The following ZNF408 variants were observed in gnomAD, a reference collection of about 807,000 sequenced individuals.
ZNF408 encodes PR domain zinc finger protein 17.
In ZNF408, 24 loss-of-function variants were observed where a neutral mutation model predicts 27.6. The observed-to-expected ratio is 0.87, with a 90% CI of 0.63 to 1.22. The LOEUF is 1.22. Ranked by LOEUF, ZNF408 falls within the 50% of genes most tolerant of loss-of-function variation. The pLI is 0.00. For synonymous variants in ZNF408, 410 were observed against 396.1 expected (o/e 1.04, Z -0.42); for missense variants, 897 against 949.0 (o/e 0.95, Z 0.72).
rs754460485 is a variant in ZNF408 at position 46,701,393 on chromosome 11, C to T, written c.53-6C>T. The T allele has an allele frequency of 1.9e-6, 3 of 1,612,572 alleles. No individual in the cohort carries two copies. Among genetic ancestry groups the T allele is most frequent in the Admixed American group, 3.3e-5 (2 of 59,968 alleles). On this transcript the variant is annotated splice_polypyrimidine_tract_variant and splice_region_variant and intron_variant, in intron 1 of 4. Coordinates refer to ENST00000311764, the MANE Select transcript of ZNF408 (RefSeq NM_024741.3). ...GCTCCCTCACTGTCTTCCCTTCTCT[C>T]TGCAGCCCGCGAGCCGCGCCTGGGC...
rs771286227 is a variant in ZNF408 at position 46,701,613 on chromosome 11, G to A, written c.267G>A (p.Gly89=). ...CCCTGCAGCCCGGCCTGCTGTGGGG[G>A]CCGCTGGAAGAGGAGTCTGCCTCCA... is the stretch of plus-strand genomic sequence containing the variant. The part of the protein sequence containing the change: ...GDPLQPGLLW[G]PLEEESASKE... Residue 89 remains glycine, a synonymous_variant, in exon 2 of 5, where the codon GGG becomes GGA. Transcript: ENST00000311764. 1.2e-6 allele frequency: 2 copies of A among 1,608,984 alleles called. No individual in the cohort carries two copies. Among genetic ancestry groups the A allele is most frequent in the Admixed American group, 1.7e-5 (1 of 59,836 alleles).
intron 4 of ZNF408, among the ~76,000 whole-genome samples, chr11:46,703,760 TGTTGTTG>T (rs750783659): frequency 2.5e-3 from 265 of 106,500 alleles, no homozygotes; most frequent in Middle Eastern, 0.013. Flanking sequence ...TTGTTGTTGT[TGTTGTTG>T]TTGTTTTTTT....
Position 46,701,547 on chromosome 11 carries a change from C to A in ZNF408, c.201C>A (p.Leu67=), listed in dbSNP as rs2064705865. The part of the protein sequence containing the change: ...LPRGLALGPS[L]AKEQRLGVWC... ...GGGGCTTGGCCCTTGGCCCCTCACT[C>A]GCCAAGGAACAGCGCTTGGGGGTCT... is the stretch of plus-strand genomic sequence containing the variant. The change falls in exon 2 of 5, where the codon CTC becomes CTA. Residue 67 remains leucine (L), a synonymous_variant. Coordinates refer to ENST00000311764, the MANE Select transcript of ZNF408 (RefSeq NM_024741.3). The A allele has an allele frequency of 6.2e-7, 1 of 1,613,544 alleles. No homozygotes were observed. The highest frequency in any genetic ancestry group is 8.5e-7 in the Non-Finnish European group (1 of 1,180,022).
At position 46,705,262 on chromosome 11, in the gene ZNF408, A is replaced by C. The variant is rs1471127466; in HGVS notation, c.1562A>C (p.Glu521Ala). ...LRGHLRLHTGERPYRCPHCAD... is the reference protein window; with the variant it reads ...LRGHLRLHTGARPYRCPHCAD... Reference sequence around the variant, plus strand: ...GGGCATTTGCGGCTCCACACCGGGGAGCGTCCTTACCGCTGCCCACACTGT... The same window carrying C: ...GGGCATTTGCGGCTCCACACCGGGGCGCGTCCTTACCGCTGCCCACACTGT... The change falls in exon 5 of 5, where the codon GAG becomes GCG. Residue 521 changes from glutamate to alanine, a missense_variant. Glu to Ala is a moderately radical substitution (Grantham distance 107). Coordinates refer to ENST00000311764, the MANE Select transcript of ZNF408 (RefSeq NM_024741.3). This position sits in a 1 kb window ranked among gnomAD's most constrained non-coding sequence, Gnocchi z 6.5. The C allele has an allele frequency of 6.8e-6, 11 of 1,611,718 alleles. 1 individual carries two copies.
Position 46,704,896 on chromosome 11 carries a change from A to G in ZNF408, c.1196A>G (p.His399Arg), listed in dbSNP as rs779339982. Reference sequence around the variant, plus strand: ...AGCTCAGAGGAGAGCTTCAAAGCCCATATGCTGGGCCACCGTGGGGTGCGG... The same window carrying G: ...AGCTCAGAGGAGAGCTTCAAAGCCCGTATGCTGGGCCACCGTGGGGTGCGG... ...SYSSEESFKA[H>R]MLGHRGVRPF... Residue 399 changes from histidine (H) to arginine (R), a missense_variant, in exon 5 of 5, where the codon CAT (histidine) becomes CGT (arginine). Physicochemically the swap from His to Arg is conservative, Grantham distance 29 (BLOSUM62 0). Transcript: ENST00000311764. 1 of 1,612,116 alleles carries G rather than the reference A, an allele frequency of 6.2e-7. No homozygotes were observed. Among genetic ancestry groups the G allele is most frequent in the Non-Finnish European group, 8.5e-7 (1 of 1,179,288 alleles).
Position 46,702,730 on chromosome 11 carries a change from C to T in ZNF408, c.357C>T (p.Asp119=), listed in dbSNP as rs780548380. 10 of 1,614,024 alleles carry T rather than the reference C, an allele frequency of 6.2e-6. No individual in the cohort carries two copies. The highest frequency in any genetic ancestry group is 1.7e-5 in the Admixed American group (1 of 59,976). The part of the protein sequence containing the change: ...EENLSLGPWG[D]VCACEQSSGW... ...ACCTGTCATTAGGCCCATGGGGAGA[C>T]GTGTGTGCCTGTGAGCAGAGTTCTG... Residue 119 remains aspartate, a synonymous_variant, in exon 3 of 5, where the codon GAC becomes GAT. Transcript: ENST00000311764.
chr11:46,701,091 T>C lies in ZNF408; in HGVS notation c.44T>C (p.Leu15Pro). 1.2e-6 allele frequency: 2 copies of C among 1,614,160 alleles called. No individual in the cohort carries two copies. The highest frequency in any genetic ancestry group is 1.7e-6 in the Non-Finnish European group (2 of 1,180,020). ...EELLLEGKKA[L>P]QLAREPRLGL... ...CTGCTCTTGGAGGGGAAGAAGGCGC[T>C]GCAACTCGGTGAGTGACCTGCGATG... Residue 15 changes from leucine to proline, a missense_variant, in exon 1 of 5, where the codon CTG (leucine) becomes CCG (proline). Leu to Pro is a moderately conservative substitution (Grantham distance 98). Transcript: ENST00000311764.
In ZNF408 at chr11:46,703,775, T is replaced by G. The variant is rs2064729628; in HGVS notation, c.652+532T>G. 2.8e-5 allele frequency among the ~76,000 whole-genome samples: 4 copies of G among 141,782 alleles called. 2 individuals are homozygous for G. The highest frequency in any genetic ancestry group is 4.5e-4 in the South Asian group (2 of 4,420). 93.0% of individuals were successfully genotyped at this position (141,782 alleles called of 152,430 possible). Reference sequence around the variant, plus strand: ...TTGTTGTTGTTGTTGTTGTTGTTTTTTTTTTTTTTTGAGATGGAGTCTCAC... The same window carrying G: ...TTGTTGTTGTTGTTGTTGTTGTTTTGTTTTTTTTTTGAGATGGAGTCTCAC... On this transcript the variant is annotated intron_variant, in intron 4 of 4. Transcript: ENST00000311764.
intron 3 of ZNF408, 108 bp from the exon 4 acceptor site, chr11:46,702,876 C>T: frequency 6.3e-7 from 1 of 1,593,958 alleles, no homozygotes; most frequent in Non-Finnish European, 8.6e-7. Flanking sequence ...GTGAATGTTC[C>T]AAAGGCACGG....
At position 46,705,742 on chromosome 11, in the gene ZNF408, G is replaced by A. The variant is rs746613555; in HGVS notation, c.2042G>A (p.Ser681Asn). Residue 681 changes from serine to asparagine, a missense_variant, in exon 5 of 5, where the codon AGC (serine) becomes AAC (asparagine). By Grantham distance (46) the Ser-to-Asn change is conservative. Transcript: ENST00000311764. The surrounding 1 kb of genome is among the most constrained non-coding windows in gnomAD (Gnocchi z 6.5). ...RDVVEVTISE[S>N]QEKCFVVPEE... Reference sequence around the variant, plus strand: ...GTTGTTGAGGTCACCATTTCAGAAAGCCAGGAGAAGTGCTTTGTGGTGCCA... The same window carrying A: ...GTTGTTGAGGTCACCATTTCAGAAAACCAGGAGAAGTGCTTTGTGGTGCCA... 1 of 1,611,904 alleles carries A rather than the reference G, an allele frequency of 6.2e-7. No homozygotes were observed. Among genetic ancestry groups the A allele is most frequent in the South Asian group, 1.1e-5 (1 of 90,620 alleles).
rs188555462 is a variant in ZNF408 at position 46,701,288 on chromosome 11, C to T, written c.53-111C>T. 1.5e-5 allele frequency: 24 copies of T among 1,557,884 alleles called. No individual in the cohort carries two copies. In the East Asian group the frequency reaches 1.8e-4, roughly 12 times the overall value. ...TTCAGGGCCCTCCTTAGAGCCCTCA[C>T]CTGTCCCTCGGGCTCCGCAGGCCCA... On this transcript the variant is annotated intron_variant, in intron 1 of 4. Transcript: ENST00000311764.
At position 46,705,233 on chromosome 11, in the gene ZNF408, G is replaced by GC; in HGVS notation, c.1534dup (p.Arg512ProfsTer27). 6.2e-7 allele frequency: 1 copy of GC among 1,612,064 alleles called. No homozygotes were observed. The highest frequency in any genetic ancestry group is 8.5e-7 in the Non-Finnish European group (1 of 1,179,920). ...GGGCGTTTCGTCAGCGGGGCAACCT[G>GC]CGTGGGCATTTGCGGCTCCACACCG... is the stretch of plus-strand genomic sequence containing the variant. On this transcript the variant is annotated frameshift_variant, in exon 5 of 5. Transcript: ENST00000311764. LOFTEE classifies it low-confidence loss of function (END_TRUNC). This position sits in a 1 kb window ranked among gnomAD's most constrained non-coding sequence, Gnocchi z 6.5.
chr11:46,703,116 T>A lies in ZNF408; in HGVS notation c.525T>A (p.Ser175=). Reference sequence around the variant, plus strand: ...TGCTGCTGTGGCCCCAGCCTTCCTCTGAGGGCCCAAGTCTCACCCAGCCTG... The same window carrying A: ...TGCTGCTGTGGCCCCAGCCTTCCTCAGAGGGCCCAAGTCTCACCCAGCCTG... ...SELLLWPQPS[S]EGPSLTQPGL... The change falls in exon 4 of 5, where the codon TCT becomes TCA. Residue 175 remains serine (S), a synonymous_variant. Coordinates refer to ENST00000311764, the MANE Select transcript of ZNF408 (RefSeq NM_024741.3). 1 of 1,612,218 alleles carries A rather than the reference T, an allele frequency of 6.2e-7. No homozygotes were observed. Among genetic ancestry groups the A allele is most frequent in the Non-Finnish European group, 8.5e-7 (1 of 1,179,338 alleles).
rs766111417 is a variant in ZNF408 at position 46,704,431 on chromosome 11, G to A, written c.731G>A (p.Arg244Gln). 9 of 1,614,040 alleles carry A rather than the reference G, an allele frequency of 5.6e-6. No homozygotes were observed. In the East Asian group the frequency reaches 8.9e-5, roughly 16 times the overall value. ...SPGLKFPTQD[R>Q]ISKDSQPLGP... ...GGACTTAAGTTCCCAACCCAGGACC[G>A]AATTTCCAAGGATAGCCAGCCACTT... The change falls in exon 5 of 5, where the codon CGA becomes CAA. Residue 244 changes from arginine (R) to glutamine (Q), a missense_variant. By Grantham distance (43) the Arg-to-Gln change is conservative (BLOSUM62 1). Transcript: ENST00000311764.
In ZNF408 at chr11:46,705,112, C is replaced by G; in HGVS notation, c.1412C>G (p.Pro471Arg). Reference sequence around the variant, plus strand: ...GCTGCCCCTGCCCCTTGCCCATGCCCTGTGTGTGGGCGGCCCCTGGCCAAC... The same window carrying G: ...GCTGCCCCTGCCCCTTGCCCATGCCGTGTGTGTGGGCGGCCCCTGGCCAAC... ...VPAAPAPCPC[P>R]VCGRPLANQG... The change falls in exon 5 of 5, where the codon CCT (proline) becomes CGT (arginine). Residue 471 changes from proline to arginine, a missense_variant. Physicochemically the swap from Pro to Arg is moderately radical, Grantham distance 103 (BLOSUM62 -2). Transcript: ENST00000311764. The surrounding 1 kb of genome is among the most constrained non-coding windows in gnomAD (Gnocchi z 6.5). 6.2e-7 allele frequency: 1 copy of G among 1,612,050 alleles called. No individual in the cohort carries two copies. Among genetic ancestry groups the G allele is most frequent in the Non-Finnish European group, 8.5e-7 (1 of 1,179,936 alleles).
In ZNF408 at chr11:46,705,505, T is replaced by C. The variant is rs1183129468; in HGVS notation, c.1805T>C (p.Leu602Ser). 6.2e-7 allele frequency: 1 copy of C among 1,605,446 alleles called. No homozygotes were observed. The highest frequency in any genetic ancestry group is 2.2e-5 in the East Asian group (1 of 44,860). The change falls in exon 5 of 5, where the codon TTG becomes TCG. Residue 602 changes from leucine (L) to serine (S), a missense_variant. Coordinates refer to ENST00000311764, the MANE Select transcript of ZNF408 (RefSeq NM_024741.3). The surrounding 1 kb of genome is among the most constrained non-coding windows in gnomAD (Gnocchi z 6.5). ...TKLRRHLKSH[L>S]EDKPYRCPTC... ...CTGCGGCGCCACCTCAAATCTCACTTGGAGGACAAGCCCTACCGCTGCCCC... is the reference window on the plus strand; with the variant it reads ...CTGCGGCGCCACCTCAAATCTCACTCGGAGGACAAGCCCTACCGCTGCCCC...
intron 3 of ZNF408, 61 bp downstream of exon 3, chr11:46,702,826 C>T: frequency 6.2e-7 from 1 of 1,605,276 alleles, no homozygotes; most frequent in Non-Finnish European, 8.5e-7. Flanking sequence ...GGGATGGAAC[C>T]CGGTGCTGAC....
At chr11:46,701,243 C>T (rs1345925710) in intron 1 of ZNF408, 144 bp downstream of exon 1, 3 of 1,554,924 alleles carry the variant, frequency 1.9e-6, no homozygotes, top group South Asian at 2.2e-5. Context: ...TCTGAAGAGC[C>T]CTTGAGCCTC....
In ZNF408 at chr11:46,701,525, G is replaced by GCTTGGCC; in HGVS notation, c.188_194dup (p.Ser66TrpfsTer61). On this transcript the variant is annotated frameshift_variant, in exon 2 of 5. Coordinates refer to ENST00000311764, the MANE Select transcript of ZNF408 (RefSeq NM_024741.3). LOFTEE classifies it high-confidence loss of function. The stretch of plus-strand genomic sequence containing the variant: ...CTCGCTTTAAAGAGCCTTCCCCGGG[G>GCTTGGCC]CTTGGCCCTTGGCCCCTCACTCGCC... 1 of 1,613,916 alleles carries GCTTGGCC rather than the reference G, an allele frequency of 6.2e-7. No homozygotes were observed. Among genetic ancestry groups the GCTTGGCC allele is most frequent in the Non-Finnish European group, 8.5e-7 (1 of 1,180,014 alleles).
Sources: gnomAD v4.1 joint callset for allele counts (sites outside exome capture counted in the v4.1 genomes callset) on GRCh38, gnomAD v4.1.1 for gene constraint, Gnocchi (gnomAD v3.1) non-coding constraint, MANE v1.5 for transcripts, NCBI Gene and HGNC (gene_info 2026-07-23, HGNC 2026-07-21) for gene names.